Variants in FSTL5 observed in about 807,000 individuals in gnomAD.
FSTL5 encodes the protein follistatin-related protein 5.
FSTL5 carries 62 observed loss-of-function variants against 89.1 expected under a neutral mutation model. That is an observed-to-expected ratio of 0.70 (90% CI 0.57 to 0.86). The LOEUF is 0.86. Among genes scored for constraint, FSTL5 ranks in the 40% least tolerant of loss-of-function variants. The pLI is 0.00. For synonymous variants in FSTL5, 383 were observed against 346.2 expected (o/e 1.11, Z -1.18); for missense variants, 1,057 against 1,001.6 (o/e 1.06, Z -0.75).
chr4:161,901,156 CT>C, intron 4 of FSTL5, among the ~76,000 whole-genome samples: 1 of 150,532 alleles, frequency 6.6e-6, no homozygotes, highest in South Asian at 2.1e-4. Context: ...CTTGCCCTTT[CT>C]GAATTTACAT....
chr4:161,954,220 T>C (rs560769555), intron 3 of FSTL5, among the ~76,000 whole-genome samples: 8 of 151,656 alleles, frequency 5.3e-5, no homozygotes, highest in Non-Finnish European at 1.2e-4. Context: ...GAGTGTCATC[T>C]CAAATTCTGA....
At chr4:161,604,996 T>C (rs1295569943) in intron 7 of FSTL5, among the ~76,000 whole-genome samples, 1 of 152,192 alleles carries the variant, frequency 6.6e-6, no homozygotes, top group African/African-American at 2.4e-5. Flanking sequence ...GGCAATGCAT[T>C]ATAACGAGTA....
At position 161,509,484 on chromosome 4, in the gene FSTL5, G is replaced by A. The variant is rs145603714; in HGVS notation, c.1339+914C>T. 7.9e-4 allele frequency among the ~76,000 whole-genome samples: 120 copies of A among 152,010 alleles called. No individual in the cohort carries two copies. In the East Asian group the frequency reaches 0.022, roughly 28 times the overall value. ...GGAGTTCATACAAAAGATTTAAGGAGCAACGGGATCTAAGAGAGAAAAAAA... is the reference window on the plus strand; with the variant it reads ...GGAGTTCATACAAAAGATTTAAGGAACAACGGGATCTAAGAGAGAAAAAAA... On this transcript the variant is annotated intron_variant, in intron 11 of 15. Transcript: ENST00000306100.
intron 3 of FSTL5, among the ~76,000 whole-genome samples, chr4:161,982,790 T>C (rs1451009175): frequency 6.6e-6 from 1 of 152,220 alleles, no homozygotes; most frequent in African/African-American, 2.4e-5. Context: ...CTCATTGATT[T>C]ACTAAAAATA....
At position 161,542,521 on chromosome 4, in the gene FSTL5, G is replaced by A. The variant is rs775598733; in HGVS notation, c.1177+11C>T. On this transcript the variant is annotated intron_variant, in intron 9 of 15. Transcript: ENST00000306100. ...GGTCATTTAAGAGAAAAAAAAGCAA[G>A]TAAAAAGCACCTTGAAGCGTGAGTT... is the stretch of plus-strand genomic sequence containing the variant. 7.1e-7 allele frequency: 1 copy of A among 1,408,282 alleles called. No individual in the cohort carries two copies. Among genetic ancestry groups the A allele is most frequent in the Non-Finnish European group, 9.4e-7 (1 of 1,069,006 alleles). 87.2% of individuals were successfully genotyped at this position (1,408,282 alleles called of 1,614,324 possible).
At chr4:161,394,555 G>A (rs1325482538) in intron 15 of FSTL5, among the ~76,000 whole-genome samples, 6 of 152,130 alleles carry the variant, frequency 3.9e-5, no homozygotes, top group African/African-American at 4.8e-5. Flanking sequence ...GATTACAGGC[G>A]TGAGCCACTG....
intron 8 of FSTL5, among the ~76,000 whole-genome samples, chr4:161,550,771 C>T (rs1043855115): frequency 2.0e-5 from 3 of 151,634 alleles, no homozygotes; most frequent in African/African-American, 4.8e-5. Context: ...GTGTGATGTT[C>T]CCCTTCCTGT....
chr4:161,985,870 A>C (rs1735949930), intron 3 of FSTL5, among the ~76,000 whole-genome samples: 1 of 152,170 alleles, frequency 6.6e-6, no homozygotes, highest in Non-Finnish European at 1.5e-5. Flanking sequence ...TATTCATATG[A>C]AACAGGCATT....
At chr4:162,031,562 G>A (rs1737522033) in intron 3 of FSTL5, among the ~76,000 whole-genome samples, 1 of 152,052 alleles carries the variant, frequency 6.6e-6, no homozygotes, top group South Asian at 2.1e-4. Context: ...CCCATAAATA[G>A]TCAAGAAAAA....
chr4:161,421,747 AAAAAGGAGGAGGGAGCTT>A (rs1237150623), intron 15 of FSTL5, among the ~76,000 whole-genome samples: 1 of 152,202 alleles, frequency 6.6e-6, no homozygotes, highest in African/African-American at 2.4e-5. Flanking sequence ...TGAATAGAAC[AAAAAGGAGGAGGGAGCTT>A]AAATTTGCTT....
chr4:161,840,413 C>G (rs1232598905), intron 4 of FSTL5, among the ~76,000 whole-genome samples: 4 of 152,078 alleles, frequency 2.6e-5, no homozygotes, highest in African/African-American at 9.7e-5. Context: ...AACCGTTATA[C>G]TCTGTTTAGA....
At chr4:161,649,140 T>A (rs1736250122) in intron 7 of FSTL5, among the ~76,000 whole-genome samples, 1 of 152,184 alleles carries the variant, frequency 6.6e-6, no homozygotes, top group South Asian at 2.1e-4. Context: ...GATGTTCAGA[T>A]GACTAGAGGC....
intron 4 of FSTL5, among the ~76,000 whole-genome samples, chr4:161,808,677 C>T (rs7687021): frequency 0.73 from 111,168 of 151,418 alleles, 40,837 homozygotes; most frequent in Admixed American, 0.76. Flanking sequence ...AAACTGTTCA[C>T]CAAAGGACAC....
At chr4:161,865,080 G>A (rs770532491) in intron 4 of FSTL5, among the ~76,000 whole-genome samples, 18 of 151,962 alleles carry the variant, frequency 1.2e-4, no homozygotes, top group Non-Finnish European at 1.5e-4. Flanking sequence ...TTATATAAAT[G>A]GACCAAAGGA....
intron 1 of FSTL5, among the ~76,000 whole-genome samples, chr4:162,118,945 T>C (rs890345699): frequency 3.9e-5 from 6 of 152,154 alleles, no homozygotes; most frequent in African/African-American, 1.4e-4. Flanking sequence ...ATCTGATTTA[T>C]TCTTGTTATT....
chr4:162,134,935 C>T lies in FSTL5; in HGVS notation c.-16-23523G>A, dbSNP rs185357282. ...AGAGGATTCATGAACATAATCATGT[C>T]AGCTGCTAAACTGGTGGGAATTGAA... On this transcript the variant is annotated intron_variant, in intron 1 of 15. Transcript: ENST00000306100. 2.0e-5 allele frequency among the ~76,000 whole-genome samples: 3 copies of T among 152,334 alleles called. No individual in the cohort carries two copies. In the East Asian group the frequency reaches 5.8e-4, roughly 29 times the overall value.
chr4:161,446,401 G>T (rs1732947772), intron 15 of FSTL5, among the ~76,000 whole-genome samples: 1 of 151,930 alleles, frequency 6.6e-6, no homozygotes, highest in African/African-American at 2.4e-5. Context: ...ACAGTAGAAT[G>T]CTTTCAGAGT....
chr4:161,854,791 A>G (rs559716142), intron 4 of FSTL5, among the ~76,000 whole-genome samples: 1 of 152,122 alleles, frequency 6.6e-6, no homozygotes, highest in African/African-American at 2.4e-5. Flanking sequence ...CATATTTTAT[A>G]TATATATACC....
At chr4:161,437,580 A>AAAAAAAAAAAAAAAAAAAAAAAAAAAAAC in intron 15 of FSTL5, among the ~76,000 whole-genome samples, 1 of 147,580 alleles carries the variant, frequency 6.8e-6, no homozygotes, top group African/African-American at 2.5e-5. Flanking sequence ...AAAAAAAAAA[A>AAAAAAAAAAAAAAAAAAAAAAAAAAAAAC]AACGAGGTCA....
Sources: allele counts gnomAD v4.1 joint callset (sites outside exome capture counted in the v4.1 genomes callset), GRCh38; gene constraint gnomAD v4.1.1; transcripts MANE v1.5; gene names NCBI Gene and HGNC (gene_info 2026-07-23, HGNC 2026-07-21).